SEPTIN11: variants seen among roughly 807,000 people sequenced by gnomAD.
SEPTIN11 encodes the protein septin 11, also known as septin-11.
SEPTIN11 carries 25 observed loss-of-function variants against 51.4 expected under a neutral mutation model. The ratio of observed to expected loss-of-function variants is 0.49; its 90% CI spans 0.35 to 0.68. The LOEUF is 0.68. SEPTIN11 is among the 30% of genes least tolerant of loss of function. The pLI is 0.00. For missense variants in SEPTIN11, 381 were observed against 520.8 expected (o/e 0.73, Z 2.61); for synonymous variants, 174 against 184.1 (o/e 0.95, Z 0.44).
In SEPTIN11 at chr4:77,036,708, C is replaced by G. The variant is rs1181472440; in HGVS notation, c.*2196C>G. The G allele has an allele frequency of 2.0e-6, 3 of 1,535,286 alleles. No individual in the cohort carries two copies. In the African/African-American group the frequency reaches 4.1e-5, roughly 21 times the overall value. Reference sequence around the variant, plus strand: ...TTTTTTCTGCCACTGCTCCCTAGCCCTGTTTAGTTTGTTATTGCTGCTTTT... The same window carrying G: ...TTTTTTCTGCCACTGCTCCCTAGCCGTGTTTAGTTTGTTATTGCTGCTTTT... On this transcript the variant is annotated 3_prime_UTR_variant, in exon 10 of 10. Coordinates refer to ENST00000264893, the MANE Select transcript of SEPTIN11 (RefSeq NM_018243.4).
intron 4 of SEPTIN11, among the ~76,000 whole-genome samples, chr4:77,012,210 T>TA (rs949633202): frequency 6.8e-4 from 100 of 147,024 alleles, no homozygotes; most frequent in Middle Eastern, 3.5e-3. Flanking sequence ...TTTACTTTCT[T>TA]AAAAAAAAAA....
At chr4:76,959,037 A>G (rs1455322016) in intron 1 of SEPTIN11, 1 of 744,224 alleles carries the variant, frequency 1.3e-6, no homozygotes, top group Admixed American at 1.8e-5. Flanking sequence ...TACTTTTCAG[A>G]GAGGGAATGA....
intron 3 of SEPTIN11, among the ~76,000 whole-genome samples, chr4:77,010,237 A>G (rs1337348873): frequency 6.6e-6 from 1 of 152,184 alleles, no homozygotes; most frequent in Non-Finnish European, 1.5e-5. Flanking sequence ...AAGGCTGTGC[A>G]GCTAGTAAGT....
At chr4:76,999,461 T>G (rs1291362286) in intron 2 of SEPTIN11, among the ~76,000 whole-genome samples, 1 of 152,222 alleles carries the variant, frequency 6.6e-6, no homozygotes, top group Non-Finnish European at 1.5e-5. Context: ...TACTGCCCAT[T>G]TGTATTTTTT....
At chr4:77,039,642 G>A, downstream of SEPTIN11, 1 of 968,380 alleles carries the variant, frequency 1.0e-6, no homozygotes, top group Non-Finnish European at 1.2e-6. Flanking sequence ...TGGTGTTTGG[G>A]GTTTTTAAAA....
intron 1 of SEPTIN11, among the ~76,000 whole-genome samples, chr4:76,994,266 C>A (rs1723541646): frequency 6.6e-6 from 1 of 152,152 alleles, no homozygotes; most frequent in African/African-American, 2.4e-5. Context: ...TAAAAATAAC[C>A]CAGGACTCAT....
rs1724433258 is a variant in SEPTIN11 at position 77,005,713 on chromosome 4, T to C, written c.255T>C (p.Tyr85=). The change falls in exon 3 of 10, where the codon TAT becomes TAC. Residue 85 remains tyrosine, a synonymous_variant. Transcript: ENST00000264893. ...EPGVRLKARS[Y]ELQESNVRLK... ...GTGTTCGGTTAAAAGCCAGAAGTTATGAGCTTCAGGAAAGCAATGTACGGC... is the reference window on the plus strand; with the variant it reads ...GTGTTCGGTTAAAAGCCAGAAGTTACGAGCTTCAGGAAAGCAATGTACGGC... 5 of 1,614,108 alleles carry C rather than the reference T, an allele frequency of 3.1e-6. No individual in the cohort carries two copies. Among genetic ancestry groups the C allele is most frequent in the Non-Finnish European group, 3.4e-6 (4 of 1,179,976 alleles).
At chr4:76,960,075 C>T (rs887504926) in intron 1 of SEPTIN11, among the ~76,000 whole-genome samples, 2 of 152,122 alleles carry the variant, frequency 1.3e-5, no homozygotes, top group Non-Finnish European at 1.5e-5. Context: ...CACTGCACTT[C>T]GTGTAAGCCA....
intron 1 of SEPTIN11, among the ~76,000 whole-genome samples, chr4:76,968,166 C>A (rs1431628133): frequency 6.6e-6 from 1 of 152,032 alleles, no homozygotes; most frequent in African/African-American, 2.4e-5. Flanking sequence ...TTTATGAATT[C>A]GGCAGTGGGA....
At chr4:76,954,649 C>G (rs1721481978) in intron 1 of SEPTIN11, among the ~76,000 whole-genome samples, 1 of 152,220 alleles carries the variant, frequency 6.6e-6, no homozygotes, top group African/African-American at 2.4e-5. Flanking sequence ...AAATGAAATT[C>G]ACATTGTTCC....
In SEPTIN11 at chr4:77,036,796, T is replaced by C. The variant is rs1727060050; in HGVS notation, c.*2284T>C. On this transcript the variant is annotated 3_prime_UTR_variant, in exon 10 of 10. Transcript: ENST00000264893. ...AGTCCTTGGCTCTGCACGGAATAAA[T>C]GATACCCTCAAATCTAATTGGATGT... The C allele has an allele frequency of 6.5e-7, 1 of 1,532,706 alleles. No individual in the cohort carries two copies. The highest frequency in any genetic ancestry group is 8.7e-7 in the Non-Finnish European group (1 of 1,146,086). 94.9% of individuals were successfully genotyped at this position (1,532,706 alleles called of 1,614,324 possible). A position where few individuals can be genotyped will look rare whatever the true frequency, so the allele number is the denominator to read the frequency against.
chr4:76,968,716 G>T (rs1461337155), intron 1 of SEPTIN11, among the ~76,000 whole-genome samples: 1 of 152,170 alleles, frequency 6.6e-6, no homozygotes, highest in East Asian at 1.9e-4. Context: ...AAAAGAAAAA[G>T]ATGTGGCAAA....
chr4:76,986,133 T>TA (rs1260002667), intron 1 of SEPTIN11, among the ~76,000 whole-genome samples: 7 of 152,212 alleles, frequency 4.6e-5, no homozygotes, highest in Admixed American at 4.6e-4. Flanking sequence ...TTAAGCTGAT[T>TA]AAACAGTGGG....
Position 76,984,914 on chromosome 4 carries a change from T to C in SEPTIN11, c.28-11511T>C, listed in dbSNP as rs1257708113. The C allele has an allele frequency of 6.6e-6, 1 of 152,330 alleles. No individual in the cohort carries two copies. The allele number at this position is 152,330 out of a possible 1,614,324, so 9.4% of individuals were successfully genotyped here. On this transcript the variant is annotated intron_variant, in intron 1 of 9. Coordinates refer to ENST00000264893, the MANE Select transcript of SEPTIN11 (RefSeq NM_018243.4). This position sits in a 1 kb window ranked among gnomAD's most constrained non-coding sequence, Gnocchi z 4.1. ...TTAGTGTTCCTAGGTGGCTGCTGGG[T>C]GACGGGCTTTTCATCATCTCTGATG... is the stretch of plus-strand genomic sequence containing the variant.
chr4:77,016,635 T>C (rs13136612), intron 5 of SEPTIN11, among the ~76,000 whole-genome samples: 551 of 54,658 alleles, frequency 0.01, 12 homozygotes, highest in Middle Eastern at 0.04. Flanking sequence ...TATATACACA[T>C]ATATATATAT....
At chr4:76,996,589 C>A (rs771607755) in intron 2 of SEPTIN11, 50 bp downstream of exon 2, 1 of 1,261,738 alleles carries the variant, frequency 7.9e-7, no homozygotes, top group South Asian at 1.2e-5. Flanking sequence ...TAGATATTGA[C>A]AGGTAACTGT....
intron 1 of SEPTIN11, chr4:76,995,777 C>T: frequency 6.6e-7 from 1 of 1,512,086 alleles, no homozygotes; most frequent in East Asian, 2.5e-5. Context: ...CTACCTTACC[C>T]TAGTCTACAT....
At chr4:76,988,669 C>T (rs1473831271) in intron 1 of SEPTIN11, among the ~76,000 whole-genome samples, 1 of 152,184 alleles carries the variant, frequency 6.6e-6, no homozygotes, top group Non-Finnish European at 1.5e-5. Context: ...AGCCATTGCG[C>T]CCAGCCCTAG....
intron 1 of SEPTIN11, among the ~76,000 whole-genome samples, chr4:76,979,253 A>G (rs1722643481): frequency 6.6e-6 from 1 of 152,236 alleles, no homozygotes; most frequent in African/African-American, 2.4e-5. Context: ...GGACCCAAAT[A>G]GAGTGGACCT....
Sources: gnomAD v4.1 joint callset for allele counts (sites outside exome capture counted in the v4.1 genomes callset) on GRCh38, gnomAD v4.1.1 for gene constraint, Gnocchi (gnomAD v3.1) non-coding constraint, MANE v1.5 for transcripts, NCBI Gene and HGNC (gene_info 2026-07-23, HGNC 2026-07-21) for gene names.